Variants in CYP3A5 observed in about 807,000 individuals in gnomAD.
The protein encoded by CYP3A5 is cytochrome P450 family 3 subfamily A member 5, also known as cytochrome P450 3A5.
In CYP3A5, 51 loss-of-function variants were observed where a neutral mutation model predicts 55.9. That is an observed-to-expected ratio of 0.91 (90% CI 0.73 to 1.15). CYP3A5 has a LOEUF of 1.15. CYP3A5 is among the 50% of genes most tolerant of loss of function. The pLI is 0.00. For synonymous variants in CYP3A5, 196 were observed against 213.9 expected (o/e 0.92, Z 0.73); for missense variants, 533 against 596.6 (o/e 0.89, Z 1.11).
rs769901021 is a variant in CYP3A5, at chr7:99,662,912, A to G, written c.799-30T>C. The G allele has an allele frequency of 6.8e-6, 11 of 1,612,884 alleles. No individual in the cohort carries two copies. The highest frequency in any genetic ancestry group is 1.3e-5 in the African/African-American group (1 of 75,034). On this transcript the variant is annotated intron_variant, in intron 8 of 12. Coordinates refer to ENST00000222982, the MANE Select transcript of CYP3A5 (RefSeq NM_000777.5). This position sits in a 1 kb window ranked among gnomAD's most constrained non-coding sequence, Gnocchi z 4.3. ...AAGCAAAAGGAGAGATTTCTTTGGC[A>G]GAAAGTGACTCGTGAAGTCAGAAGT...
intron 3 of CYP3A5, chr7:99,672,979 G>T: frequency 1.0e-6 from 1 of 966,374 alleles, no homozygotes; most frequent in Non-Finnish European, 1.3e-6. Flanking sequence ...CATTCGTTAA[G>T]CTGGGTGGTA....
intron 12 of CYP3A5, 69 bp from the exon 13 acceptor site, chr7:99,648,469 T>A: frequency 7.9e-7 from 1 of 1,259,742 alleles, no homozygotes; most frequent in Non-Finnish European, 1.1e-6. Context: ...GGAAGCAAAG[T>A]AGAAAAAATA....
intron 10 of CYP3A5, chr7:99,659,106 T>G (rs1257331068): frequency 1.3e-5 from 2 of 152,174 alleles, no homozygotes; most frequent in African/African-American, 2.4e-5. Flanking sequence ...TCCATCCAGC[T>G]TTCCGTTGCT....
Position 99,679,838 on chromosome 7 carries a change from A to T in CYP3A5, c.59T>A (p.Val20Glu). The T allele has an allele frequency of 6.2e-7, 1 of 1,614,146 alleles. No individual in the cohort carries two copies. The highest frequency in any genetic ancestry group is 1.7e-5 in the Admixed American group (1 of 60,030). Reference sequence around the variant, plus strand: ...GACAGTTACTCACAGATAGAGGAGCACCAGGCTGACAGCCAGGAGAAGCCA... The same window carrying T: ...GACAGTTACTCACAGATAGAGGAGCTCCAGGCTGACAGCCAGGAGAAGCCA... ...ETWLLLAVSL[V>E]LLYLYGTRTH... Residue 20 changes from valine (V) to glutamate (E), a missense_variant, in exon 1 of 13, where the codon GTG (valine) becomes GAG (glutamate). Val to Glu is a moderately radical substitution (Grantham distance 121). Coordinates refer to ENST00000222982, the MANE Select transcript of CYP3A5 (RefSeq NM_000777.5).
chr7:99,675,682 CTCTT>C (rs1403838543), intron 2 of CYP3A5, among the ~76,000 whole-genome samples: 2 of 89,882 alleles, frequency 2.2e-5, no homozygotes, highest in East Asian at 3.5e-4. Flanking sequence ...TCCTTCCTCT[CTCTT>C]TCTTTCTCTC....
chr7:99,666,827 AAG>A (rs1376579396), intron 5 of CYP3A5, 123 bp downstream of exon 5: 1 of 1,578,996 alleles, frequency 6.3e-7, no homozygotes, highest in East Asian at 2.3e-5. Context: ...ATAAAGATAA[AAG>A]ACCATTTTTA....
At chr7:99,668,821 G>A (rs185405138) in intron 4 of CYP3A5, among the ~76,000 whole-genome samples, 7 of 152,314 alleles carry the variant, frequency 4.6e-5, no homozygotes, top group East Asian at 3.9e-4. Context: ...GGTGGTGTGC[G>A]ACTTCCAGTG....
intron 4 of CYP3A5, among the ~76,000 whole-genome samples, chr7:99,667,619 T>C (rs1371084327): frequency 2.6e-5 from 4 of 152,214 alleles, no homozygotes; most frequent in Non-Finnish European, 5.9e-5. Context: ...TTTTATTCCA[T>C]AAATAGAAGG....
At chr7:99,655,930 G>T (rs1367012188) in intron 10 of CYP3A5, among the ~76,000 whole-genome samples, 7 of 152,286 alleles carry the variant, frequency 4.6e-5, no homozygotes, top group Non-Finnish European at 1.0e-4. Flanking sequence ...CATTGATTTT[G>T]TATCCTGATA....
At chr7:99,658,890 T>G (rs1413133532) in intron 10 of CYP3A5, 1 of 152,264 alleles carries the variant, frequency 6.6e-6, no homozygotes, top group Non-Finnish European at 1.5e-5. Context: ...CTGAGGCTTG[T>G]GCATTCATCA....
chr7:99,663,350 ATAATCTT>A (rs1478811780), intron 8 of CYP3A5: 1 of 993,722 alleles, frequency 1.0e-6, no homozygotes, highest in East Asian at 1.1e-4. Context: ...CAAACTCTAT[ATAATCTT>A]CAGTGACAGC....
chr7:99,668,153 A>G (rs951537103), intron 4 of CYP3A5, among the ~76,000 whole-genome samples: 3 of 152,248 alleles, frequency 2.0e-5, no homozygotes, highest in Non-Finnish European at 2.9e-5. Context: ...CAATATCTGA[A>G]AATACAAGAA....
At chr7:99,655,666 G>C (rs1809646408) in intron 10 of CYP3A5, among the ~76,000 whole-genome samples, 1 of 152,184 alleles carries the variant, frequency 6.6e-6, no homozygotes. Context: ...AAATTACCTT[G>C]GGCAGTATGG....
chr7:99,664,210 G>A, intron 7 of CYP3A5, 115 bp from the exon 8 acceptor site: 1 of 927,918 alleles, frequency 1.1e-6, no homozygotes, highest in Non-Finnish European at 1.7e-6. Context: ...TTCTCAACTG[G>A]AACCCATTCC....
At chr7:99,672,001 T>G (rs1811694461) in intron 4 of CYP3A5, 1 of 593,530 alleles carries the variant, frequency 1.7e-6, no homozygotes. Context: ...TCCTGTACTA[T>G]AGTATTAGGT....
intron 2 of CYP3A5, among the ~76,000 whole-genome samples, chr7:99,674,888 A>G (rs568688054): frequency 6.6e-5 from 10 of 152,304 alleles, no homozygotes; most frequent in East Asian, 1.9e-4. Context: ...TATTCTCTCT[A>G]AAGTCTCCTA....
At position 99,664,014 on chromosome 7, in the gene CYP3A5, T is replaced by G. The variant is rs1810714173; in HGVS notation, c.752A>C (p.Lys251Thr). The G allele has an allele frequency of 6.3e-7, 1 of 1,599,286 alleles. No homozygotes were observed. The highest frequency in any genetic ancestry group is 8.5e-7 in the Non-Finnish European group (1 of 1,176,704). ...FPKDTINFLS[K>T]SVNRMKKSRL... Reference sequence around the variant, plus strand: ...ACTTTTCTTCATTCTGTTTACAGATTTACTTAAAAAATTTATGGTATCTTT... The same window carrying G: ...ACTTTTCTTCATTCTGTTTACAGATGTACTTAAAAAATTTATGGTATCTTT... Residue 251 changes from lysine (K) to threonine (T), a missense_variant, in exon 8 of 13, where the codon AAA becomes ACA. Physicochemically the swap from Lys to Thr is moderately conservative, Grantham distance 78. Coordinates refer to ENST00000222982, the MANE Select transcript of CYP3A5 (RefSeq NM_000777.5).
Position 99,649,202 on chromosome 7 carries a change from C to T in CYP3A5, c.1414-802G>A, listed in dbSNP as rs185410636. 6.0e-4 allele frequency among the ~76,000 whole-genome samples: 91 copies of T among 152,288 alleles called. 1 individual carries two copies. Among genetic ancestry groups the T allele is most frequent in the Admixed American group, 3.7e-3 (57 of 15,300 alleles). On this transcript the variant is annotated intron_variant, in intron 12 of 12. Coordinates refer to ENST00000222982, the MANE Select transcript of CYP3A5 (RefSeq NM_000777.5). ...GCCAGAGGCCCACTTTCTCTCAGGG[C>T]TGAGCCCCCTGCCTGAATACACACA... is the stretch of plus-strand genomic sequence containing the variant.
chr7:99,678,701 A>G (rs1490142937), intron 1 of CYP3A5, among the ~76,000 whole-genome samples: 2 of 152,248 alleles, frequency 1.3e-5, no homozygotes, highest in African/African-American at 2.4e-5. Flanking sequence ...TTTAAACCAT[A>G]TCAATTCATT....
Sources: gnomAD v4.1 joint callset for allele counts (sites outside exome capture counted in the v4.1 genomes callset) on GRCh38, gnomAD v4.1.1 for gene constraint, Gnocchi (gnomAD v3.1) non-coding constraint, MANE v1.5 for transcripts, NCBI Gene and HGNC (gene_info 2026-07-23, HGNC 2026-07-21) for gene names.